Variants in SYNDIG1 observed in about 807,000 individuals in gnomAD.
The protein encoded by SYNDIG1 is synapse differentiation inducing 1, also known as synapse differentiation-inducing gene protein 1.
A neutral mutation model predicts 19.4 loss-of-function variants in SYNDIG1; 9 were observed. The observed-to-expected ratio is 0.46, with a 90% CI of 0.28 to 0.81. The LOEUF (loss-of-function observed/expected upper bound fraction) is 0.81. SYNDIG1 is among the 30% of genes least tolerant of loss of function. The pLI, the probability that SYNDIG1 is intolerant of heterozygous loss-of-function variation, is 0.12. For missense variants in SYNDIG1, 311 were observed against 343.3 expected (o/e 0.91, Z 0.74); for synonymous variants, 141 against 145.9 (o/e 0.97, Z 0.24).
intron 1 of SYNDIG1, among the ~76,000 whole-genome samples, chr20:24,498,423 T>C (rs1223874010): frequency 6.6e-6 from 1 of 152,240 alleles, no homozygotes; most frequent in Non-Finnish European, 1.5e-5. Flanking sequence ...ACGTTAGCCA[T>C]AGGCGCTGAG....
intron 2 of SYNDIG1, among the ~76,000 whole-genome samples, chr20:24,549,618 A>C (rs1420154952): frequency 6.6e-6 from 1 of 152,150 alleles, no homozygotes; most frequent in Non-Finnish European, 1.5e-5. Flanking sequence ...CCCCACTGTT[A>C]CAAAGCTCTT....
At chr20:24,572,596 T>C (rs1453340807) in intron 2 of SYNDIG1, among the ~76,000 whole-genome samples, 2 of 152,076 alleles carry the variant, frequency 1.3e-5, no homozygotes, top group Non-Finnish European at 2.9e-5. Flanking sequence ...CGAAGAAGCT[T>C]CTGGTGCCCT....
At chr20:24,492,377 G>A (rs558643237) in intron 1 of SYNDIG1, among the ~76,000 whole-genome samples, 1 of 152,338 alleles carries the variant, frequency 6.6e-6, no homozygotes, top group African/African-American at 2.4e-5. Flanking sequence ...TGTCTGGTTC[G>A]AGATCAGCTG....
intron 1 of SYNDIG1, among the ~76,000 whole-genome samples, chr20:24,479,586 C>T (rs1600385068): frequency 6.6e-6 from 1 of 152,156 alleles, no homozygotes; most frequent in Non-Finnish European, 1.5e-5. Flanking sequence ...CTCCCTAGCC[C>T]CTGTGCTTCT....
At chr20:24,472,271 T>C (rs1271335565) in intron 1 of SYNDIG1, among the ~76,000 whole-genome samples, 2 of 152,166 alleles carry the variant, frequency 1.3e-5, no homozygotes, top group Admixed American at 6.5e-5. Context: ...ATGTTAGCAA[T>C]AGGAACAGAC....
chr20:24,525,937 A>G (rs2057114723), intron 1 of SYNDIG1, among the ~76,000 whole-genome samples: 1 of 152,174 alleles, frequency 6.6e-6, no homozygotes, highest in Admixed American at 6.5e-5. Context: ...GAATTGTTGT[A>G]TACGGTTAAT....
intron 2 of SYNDIG1, among the ~76,000 whole-genome samples, chr20:24,550,692 A>G (rs1238243190): frequency 2.6e-5 from 4 of 152,016 alleles, no homozygotes; most frequent in Admixed American, 2.6e-4. Context: ...TTGTATTTTT[A>G]GTAGATACGG....
chr20:24,639,872 T>C (rs970812192), intron 3 of SYNDIG1, among the ~76,000 whole-genome samples: 3 of 152,210 alleles, frequency 2.0e-5, no homozygotes, highest in African/African-American at 7.2e-5. Flanking sequence ...ATAAGCATAA[T>C]TGTCTGTGAT....
intron 3 of SYNDIG1, among the ~76,000 whole-genome samples, chr20:24,645,438 G>C (rs2059414064): frequency 6.6e-6 from 1 of 152,342 alleles, no homozygotes; most frequent in Non-Finnish European, 1.5e-5. Flanking sequence ...GATGCTGATG[G>C]CTGCATTGGT....
intron 1 of SYNDIG1, among the ~76,000 whole-genome samples, chr20:24,531,472 A>G (rs772705652): frequency 1.3e-5 from 2 of 152,198 alleles, no homozygotes; most frequent in Non-Finnish European, 2.9e-5. Flanking sequence ...GAAAACTAGT[A>G]AGAGAAAGTT....
chr20:24,492,660 T>C (rs1568581317), intron 1 of SYNDIG1, among the ~76,000 whole-genome samples: 1 of 151,418 alleles, frequency 6.6e-6, no homozygotes, highest in African/African-American at 2.4e-5. Flanking sequence ...CCACCCCTCC[T>C]TCCCCCGCTA....
chr20:24,560,162 G>A (rs544583232), intron 2 of SYNDIG1, among the ~76,000 whole-genome samples: 10 of 131,408 alleles, frequency 7.6e-5, no homozygotes, highest in South Asian at 2.6e-4. Context: ...TCTGCCTCCC[G>A]GGTTCCAGTA....
intron 3 of SYNDIG1, among the ~76,000 whole-genome samples, chr20:24,652,873 T>C (rs2059487074): frequency 6.6e-6 from 1 of 152,196 alleles, no homozygotes. Flanking sequence ...CTTCCAGATG[T>C]CTGCAGTGGG....
intron 1 of SYNDIG1, among the ~76,000 whole-genome samples, chr20:24,497,887 A>G (rs2056341122): frequency 3.3e-5 from 5 of 152,216 alleles, no homozygotes; most frequent in Admixed American, 3.3e-4. Context: ...AAGGAGATGG[A>G]AAACAATGGC....
chr20:24,543,857 C>A (rs963503971), intron 2 of SYNDIG1, among the ~76,000 whole-genome samples: 2 of 152,124 alleles, frequency 1.3e-5, no homozygotes, highest in East Asian at 3.9e-4. Context: ...GTGGGTTCAT[C>A]GGTTTTCCCT....
Position 24,544,747 on chromosome 20 carries a change from A to C in SYNDIG1, c.480+1170A>C, listed in dbSNP as rs112480396. Reference sequence around the variant, plus strand: ...GTGTTGGCTGAGCATCAGCACAGCCAGAGAAGCTCCTGGGGTGTGAGGAGA... The same window carrying C: ...GTGTTGGCTGAGCATCAGCACAGCCCGAGAAGCTCCTGGGGTGTGAGGAGA... On this transcript the variant is annotated intron_variant, in intron 2 of 3. Coordinates refer to ENST00000376862, the MANE Select transcript of SYNDIG1 (RefSeq NM_024893.3). Among the ~76,000 whole-genome samples, 171 of 152,336 alleles carry C rather than the reference A, an allele frequency of 1.1e-3. 3 individuals are homozygous for C. Among genetic ancestry groups the C allele is most frequent in the African/African-American group, 4.0e-3 (166 of 41,558 alleles).
At chr20:24,607,617 G>A (rs897000337) in intron 3 of SYNDIG1, among the ~76,000 whole-genome samples, 1 of 152,186 alleles carries the variant, frequency 6.6e-6, no homozygotes, top group Non-Finnish European at 1.5e-5. Flanking sequence ...AGTGGAGACG[G>A]CCTCGGGCTC....
intron 2 of SYNDIG1, among the ~76,000 whole-genome samples, chr20:24,566,855 T>C (rs1160341156): frequency 6.6e-6 from 1 of 152,194 alleles, no homozygotes; most frequent in Non-Finnish European, 1.5e-5. Context: ...TCTGCATTCC[T>C]ACGGCTGCTA....
In SYNDIG1 at chr20:24,615,658, A is replaced by G. The variant is rs577880680; in HGVS notation, c.618+30665A>G. Among the ~76,000 whole-genome samples, 7 of 152,270 alleles carry G rather than the reference A, an allele frequency of 4.6e-5. 1 individual carries two copies. The highest frequency in any genetic ancestry group is 1.4e-4 in the African/African-American group (6 of 41,562). On this transcript the variant is annotated intron_variant, in intron 3 of 3. Coordinates refer to ENST00000376862, the MANE Select transcript of SYNDIG1 (RefSeq NM_024893.3). ...GCACATTTTCAGAGGGGACACACACAGGTCCTCAGTTTATCCCCACACTGC... is the reference window on the plus strand; with the variant it reads ...GCACATTTTCAGAGGGGACACACACGGGTCCTCAGTTTATCCCCACACTGC...
Sources: allele counts gnomAD v4.1 joint callset (sites outside exome capture counted in the v4.1 genomes callset), GRCh38; gene constraint gnomAD v4.1.1; transcripts MANE v1.5; gene names NCBI Gene and HGNC (gene_info 2026-07-23, HGNC 2026-07-21).